The following NPTX2 variants were observed in gnomAD, a reference collection of about 807,000 sequenced individuals.
NPTX2 encodes neuronal pentraxin 2, also known as neuronal pentraxin-2.
In NPTX2, 23 loss-of-function variants were observed where a neutral mutation model predicts 38.1. The ratio of observed to expected loss-of-function variants is 0.60; its 90% confidence interval spans 0.43 to 0.85. The LOEUF is 0.85. Ranked by LOEUF, NPTX2 falls within the 40% of genes least tolerant of loss-of-function variation. The pLI is 0.00. For synonymous variants in NPTX2, 291 were observed against 287.3 expected, an observed-to-expected ratio of 1.01 and a Z score of -0.13; for missense variants, 553 against 615.3, an observed-to-expected ratio of 0.90 and a Z score of 1.07.
intron 4 of NPTX2, among the ~76,000 whole-genome samples, chr7:98,627,602 G>T (rs559475963): frequency 6.6e-6 from 1 of 152,160 alleles, no homozygotes. Context: ...GTGGGGTCAC[G>T]GCCTGCATGG....
intron 1 of NPTX2, 72 bp from the exon 2 acceptor site, chr7:98,619,571 C>A: frequency 7.7e-7 from 1 of 1,302,920 alleles, no homozygotes; most frequent in Non-Finnish European, 1.1e-6. Flanking sequence ...TGTGGTCGGG[C>A]CATCACAGCC....
At position 98,627,192 on chromosome 7, in the gene NPTX2, G is replaced by A. The variant is rs1191393561; in HGVS notation, c.916G>A (p.Asp306Asn). 1 of 1,613,824 alleles carries A rather than the reference G, an allele frequency of 6.2e-7. No individual in the cohort carries two copies. The highest frequency in any genetic ancestry group is 8.5e-7 in the Non-Finnish European group (1 of 1,179,784). The change falls in exon 4 of 5, where the codon GAC becomes AAC. Residue 306 changes from aspartate to asparagine, a missense_variant. Coordinates refer to ENST00000265634, the MANE Select transcript of NPTX2 (RefSeq NM_002523.3). ...TGCGCAGCTGCCCCTGTTTGTCAGTGACGGCAAGTGGCACCACATCTGTGT... is the reference window on the plus strand; with the variant it reads ...TGCGCAGCTGCCCCTGTTTGTCAGTAACGGCAAGTGGCACCACATCTGTGT... ...KVAQLPLFVS[D>N]GKWHHICVTW...
In NPTX2 at chr7:98,627,239, C is replaced by T. The variant is rs993267231; in HGVS notation, c.963C>T (p.Gly321=). ...GTGTCACCTGGACGACACGGGATGGCATGTGGGAGGCATTCCAGGACGGAG... is the reference window on the plus strand; with the variant it reads ...GTGTCACCTGGACGACACGGGATGGTATGTGGGAGGCATTCCAGGACGGAG... ...HICVTWTTRD[G]MWEAFQDGEK... Residue 321 remains glycine (G), a synonymous_variant, in exon 4 of 5, where the codon GGC becomes GGT. Transcript: ENST00000265634. 2 of 1,613,024 alleles carry T rather than the reference C, an allele frequency of 1.2e-6. No individual in the cohort carries two copies. The highest frequency in any genetic ancestry group is 8.5e-7 in the Non-Finnish European group (1 of 1,179,002).
chr7:98,625,135 A>G lies in NPTX2; in HGVS notation c.857A>G (p.Asn286Ser), dbSNP rs763620013. The G allele has an allele frequency of 2.5e-6, 4 of 1,605,362 alleles. No individual in the cohort carries two copies. The highest frequency in any genetic ancestry group is 3.4e-6 in the Non-Finnish European group (4 of 1,174,524). The change falls in exon 3 of 5, where the codon AAC becomes AGC. Residue 286 changes from asparagine (N) to serine (S), a missense_variant. Physicochemically the swap from Asn to Ser is conservative, Grantham distance 46. Coordinates refer to ENST00000265634, the MANE Select transcript of NPTX2 (RefSeq NM_002523.3). ...GAGATCGTGCTGATCGAGTGGGGCA[A>G]CAACCCCATCGAGCTGCTCATCAAC... Reference protein sequence around the residue: ...ANEIVLIEWGNNPIELLINDK... With the variant: ...ANEIVLIEWGSNPIELLINDK...
At chr7:98,626,638 T>A (rs1159853264) in intron 3 of NPTX2, among the ~76,000 whole-genome samples, 3 of 152,184 alleles carry the variant, frequency 2.0e-5, no homozygotes, top group African/African-American at 7.2e-5. Context: ...TAGAAAGTGC[T>A]TGCAGGACCG....
In NPTX2 at chr7:98,617,302, G is replaced by A. The variant is rs1033056742; in HGVS notation, c.-160G>A. ...GGCAGGCCAGAGTGCCGAGCAGCGCGGTGGGTGCGGCTGTGAGACGGCAGG... is the reference window on the plus strand; with the variant it reads ...GGCAGGCCAGAGTGCCGAGCAGCGCAGTGGGTGCGGCTGTGAGACGGCAGG... On this transcript the variant is annotated 5_prime_UTR_variant, in exon 1 of 5. Coordinates refer to ENST00000265634, the MANE Select transcript of NPTX2 (RefSeq NM_002523.3). 3.6e-6 allele frequency: 1 copy of A among 279,760 alleles called. No individual in the cohort carries two copies. Among genetic ancestry groups the A allele is most frequent in the Non-Finnish European group, 6.6e-6 (1 of 151,378 alleles). The allele number at this position is 279,760 out of a possible 1,614,324, so 17.3% of individuals were successfully genotyped here.
In NPTX2 at chr7:98,625,079, C is replaced by T; in HGVS notation, c.801C>T (p.Pro267=). ...RSSASPGIGT[P]FSYAVPGQAN... is the part of the protein sequence containing the mutation. Reference sequence around the variant, plus strand: ...GCGCCTCACCAGGCATTGGCACCCCCTTCTCCTATGCGGTGCCAGGGCAGG... The same window carrying T: ...GCGCCTCACCAGGCATTGGCACCCCTTTCTCCTATGCGGTGCCAGGGCAGG... The change falls in exon 3 of 5, where the codon CCC becomes CCT. Residue 267 remains proline, a synonymous_variant. Transcript: ENST00000265634. 1 of 1,613,260 alleles carries T rather than the reference C, an allele frequency of 6.2e-7. No individual in the cohort carries two copies. Among genetic ancestry groups the T allele is most frequent in the Non-Finnish European group, 8.5e-7 (1 of 1,179,928 alleles).
At position 98,628,486 on chromosome 7, in the gene NPTX2, G is replaced by A. The variant is rs371914516; in HGVS notation, c.1153G>A (p.Ala385Thr). ...CAACATATGGGACCGCGTCCTTCGCGCACAAGAAATTGTCAACATCGCCAA... is the reference window on the plus strand; with the variant it reads ...CAACATATGGGACCGCGTCCTTCGCACACAAGAAATTGTCAACATCGCCAA... ...QFNIWDRVLR[A>T]QEIVNIANCS... is the part of the protein sequence containing the mutation. Residue 385 changes from alanine (A) to threonine (T), a missense_variant, in exon 5 of 5, where the codon GCA becomes ACA. Ala to Thr is a moderately conservative substitution (Grantham distance 58). Transcript: ENST00000265634. 6.2e-6 allele frequency: 10 copies of A among 1,610,930 alleles called. No individual in the cohort carries two copies. Among genetic ancestry groups the A allele is most frequent in the African/African-American group, 4.0e-5 (3 of 74,872 alleles).
chr7:98,625,257 G>A (rs1284989919), intron 3 of NPTX2, 91 bp downstream of exon 3: 9 of 1,475,604 alleles, frequency 6.1e-6, no homozygotes, highest in South Asian at 1.3e-5. Context: ...CGCCCTCCTC[G>A]GGCCACACAG....
intron 3 of NPTX2, among the ~76,000 whole-genome samples, chr7:98,625,684 A>G (rs1230852500): frequency 7.2e-5 from 11 of 152,192 alleles, no homozygotes; most frequent in Non-Finnish European, 1.5e-5. Context: ...GAAAAAATAT[A>G]AAACAGTTCC....
At chr7:98,622,695 C>G (rs1315680009) in intron 2 of NPTX2, among the ~76,000 whole-genome samples, 2 of 152,194 alleles carry the variant, frequency 1.3e-5, no homozygotes, top group African/African-American at 4.8e-5. Context: ...AGAGACTAGT[C>G]CCAGCCTTCA....
intron 1 of NPTX2, 61 bp from the exon 2 acceptor site, chr7:98,619,582 A>G (rs1791238103): frequency 7.0e-7 from 1 of 1,433,026 alleles, no homozygotes; most frequent in Non-Finnish European, 9.8e-7. Context: ...CATCACAGCC[A>G]CATTTCACAA....
intron 3 of NPTX2, among the ~76,000 whole-genome samples, chr7:98,625,867 T>C (rs1791338466): frequency 6.6e-6 from 1 of 152,020 alleles, no homozygotes; most frequent in African/African-American, 2.4e-5. Context: ...TCTCAAGGGC[T>C]GGGCATGGTA....
chr7:98,621,010 G>A (rs1481491417), intron 2 of NPTX2, among the ~76,000 whole-genome samples: 3 of 152,092 alleles, frequency 2.0e-5, no homozygotes, highest in Non-Finnish European at 2.9e-5. Flanking sequence ...AAAAGACTCC[G>A]TTCTCAGTGG....
chr7:98,623,310 C>T (rs534892136), intron 2 of NPTX2, among the ~76,000 whole-genome samples: 2 of 152,212 alleles, frequency 1.3e-5, no homozygotes, highest in African/African-American at 4.8e-5. Flanking sequence ...TTGGAATCCA[C>T]GATGCCTGGA....
chr7:98,623,870 C>T (rs552964354), intron 2 of NPTX2, among the ~76,000 whole-genome samples: 23 of 152,298 alleles, frequency 1.5e-4, no homozygotes, highest in South Asian at 1.2e-3. Context: ...TGGCTAAGGA[C>T]GCAGTTTCTG....
intron 3 of NPTX2, among the ~76,000 whole-genome samples, chr7:98,626,805 A>G (rs1378356422): frequency 1.3e-5 from 2 of 152,310 alleles, no homozygotes; most frequent in African/African-American, 2.4e-5. Flanking sequence ...GAGGTTTGGG[A>G]CTTGGCATGA....
Position 98,625,019 on chromosome 7 carries a change from G to T in NPTX2, c.741G>T (p.Leu247=). The change falls in exon 3 of 5, where the codon CTG becomes CTT. Residue 247 remains leucine, a synonymous_variant. Transcript: ENST00000265634. ...AGATCAAGAAGACGCTGCCTGAGCT[G>T]TACGCCTTCACCATCTGCCTGTGGC... ...YGKIKKTLPE[L]YAFTICLWLR... 1 of 1,613,882 alleles carries T rather than the reference G, an allele frequency of 6.2e-7. No individual in the cohort carries two copies.
intron 1 of NPTX2, among the ~76,000 whole-genome samples, chr7:98,618,590 CTCCG>C (rs1791219557): frequency 1.8e-5 from 1 of 56,018 alleles, no homozygotes; most frequent in Non-Finnish European, 3.4e-5. Context: ...CCCCCTCCCC[CTCCG>C]TCCCCCCCCC....
Sources: gnomAD v4.1 joint callset for allele counts (sites outside exome capture counted in the v4.1 genomes callset) on GRCh38, gnomAD v4.1.1 for gene constraint, MANE v1.5 for transcripts, NCBI Gene and HGNC (gene_info 2026-07-23, HGNC 2026-07-21) for gene names.